The following DAB1 variants were observed in gnomAD, a reference collection of about 807,000 sequenced individuals.
DAB1 encodes the protein DAB adaptor protein 1.
A neutral mutation model predicts 64.6 loss-of-function variants in DAB1; 15 were observed. The observed-to-expected ratio is 0.23, with a 90% CI of 0.16 to 0.36. The LOEUF (loss-of-function observed/expected upper bound fraction) is 0.36. Ranked by LOEUF, DAB1 falls within the 10% of genes least tolerant of loss-of-function variation. The pLI is 1.00. For synonymous variants in DAB1, 235 were observed against 251.9 expected (o/e 0.93, Z 0.64); for missense variants, 596 against 706.7 (o/e 0.84, Z 1.78).
intron 2 of DAB1, among the ~76,000 whole-genome samples, chr1:57,281,445 G>A (rs12134278): frequency 0.039 from 5,901 of 152,206 alleles, 349 homozygotes; most frequent in East Asian, 0.29. Context: ...AAAACCCCAC[G>A]TGTAAAAAAT....
At chr1:58,371,688 G>A (rs966697321) in intron 3 of DAB1, among the ~76,000 whole-genome samples, 1 of 152,172 alleles carries the variant, frequency 6.6e-6, no homozygotes, top group Admixed American at 6.5e-5. Flanking sequence ...TTTGTGGGCT[G>A]GGCCCAGGAC....
At chr1:57,273,553 G>GCCTGCCTT (rs1558066796) in intron 2 of DAB1, among the ~76,000 whole-genome samples, 4 of 62,086 alleles carry the variant, frequency 6.4e-5, no homozygotes, top group Non-Finnish European at 1.1e-4. Context: ...CTGCCTGCCT[G>GCCTGCCTT]CCTTCCTTCC....
chr1:57,194,520 C>T lies in DAB1; in HGVS notation c.68-49091G>A, dbSNP rs995700366. Among the ~76,000 whole-genome samples, 66 of 152,304 alleles carry T rather than the reference C, an allele frequency of 4.3e-4. 1 individual carries two copies. The highest frequency in any genetic ancestry group is 1.5e-3 in the African/African-American group (64 of 41,560). On this transcript the variant is annotated intron_variant, in intron 2 of 14. Transcript: ENST00000371236. ...AAAGAGCAGTCCCACAACAAGTGGGCCAGATAAAGTTCTTCCTCCAACATA... is the reference window on the plus strand; with the variant it reads ...AAAGAGCAGTCCCACAACAAGTGGGTCAGATAAAGTTCTTCCTCCAACATA...
intron 1 of DAB1, among the ~76,000 whole-genome samples, chr1:57,368,522 G>C (rs1452430707): frequency 1.3e-5 from 2 of 152,192 alleles, no homozygotes; most frequent in Non-Finnish European, 2.9e-5. Context: ...ACCAGCTGCA[G>C]AGAGGAGCTA....
chr1:57,235,716 A>G (rs1035948213), intron 2 of DAB1, among the ~76,000 whole-genome samples: 3 of 151,784 alleles, frequency 2.0e-5, no homozygotes, highest in African/African-American at 7.3e-5. Context: ...TTAAAAAAGA[A>G]AAAAAAACAA....
chr1:58,242,445 T>A (rs974858828), intron 4 of DAB1, among the ~76,000 whole-genome samples: 1 of 152,088 alleles, frequency 6.6e-6, no homozygotes, highest in African/African-American at 2.4e-5. Context: ...AGAATATGTA[T>A]AATTATATCC....
intron 4 of DAB1, among the ~76,000 whole-genome samples, chr1:57,105,327 A>C (rs143777485): frequency 1.7e-3 from 263 of 152,168 alleles, no homozygotes; most frequent in African/African-American, 6.2e-3. Context: ...TTTTCAAAAA[A>C]GCAAACCTCA....
chr1:57,404,151 G>A (rs1030139799), intron 1 of DAB1, among the ~76,000 whole-genome samples: 9 of 152,240 alleles, frequency 5.9e-5, no homozygotes, highest in African/African-American at 1.9e-4. Context: ...GGTATATTAT[G>A]ATACAGGCAT....
At chr1:58,465,442 TGAC>T (rs1645286647) in intron 3 of DAB1, among the ~76,000 whole-genome samples, 1 of 152,084 alleles carries the variant, frequency 6.6e-6, no homozygotes, top group Non-Finnish European at 1.5e-5. Context: ...TTGCAAGAAA[TGAC>T]AACAACAACG....
rs573049790 is a variant in DAB1, at chr1:57,228,604, G to A, written c.67+62360C>T. 6.6e-5 allele frequency among the ~76,000 whole-genome samples: 10 copies of A among 152,192 alleles called. No homozygotes were observed. In the East Asian group the frequency reaches 1.4e-3, roughly 21 times the overall value. On this transcript the variant is annotated intron_variant, in intron 2 of 14. Transcript: ENST00000371236. ...TTAATTATTGCTTTTTACATGGAGC[G>A]TAGGAAACACTCATACCCTGCTGGT...
At chr1:57,213,650 G>A (rs563061135) in intron 2 of DAB1, among the ~76,000 whole-genome samples, 49 of 152,296 alleles carry the variant, frequency 3.2e-4, no homozygotes, top group Admixed American at 2.4e-3. Flanking sequence ...AGGAGAGGAA[G>A]AAGAAAACAT....
At chr1:57,224,961 C>A (rs1295754500) in intron 2 of DAB1, among the ~76,000 whole-genome samples, 2 of 152,186 alleles carry the variant, frequency 1.3e-5, no homozygotes, top group Non-Finnish European at 2.9e-5. Flanking sequence ...ACAAACAAAT[C>A]TCTTGTATTA....
intron 4 of DAB1, among the ~76,000 whole-genome samples, chr1:57,125,803 G>GCTCC (rs1657082078): frequency 6.6e-6 from 1 of 152,216 alleles, no homozygotes; most frequent in Non-Finnish European, 1.5e-5. Flanking sequence ...CCCACCAGAA[G>GCTCC]AGGTGGTGGA....
At chr1:57,550,156 G>A (rs1330006882) in intron 7 of DAB1, among the ~76,000 whole-genome samples, 3 of 152,116 alleles carry the variant, frequency 2.0e-5, no homozygotes, top group Non-Finnish European at 2.9e-5. Flanking sequence ...GTAAAATGAG[G>A]ATAATAGTAC....
chr1:58,432,505 C>A (rs1454533305), intron 3 of DAB1, among the ~76,000 whole-genome samples: 1 of 152,140 alleles, frequency 6.6e-6, no homozygotes, highest in Non-Finnish European at 1.5e-5. Flanking sequence ...TTAGAGGTTA[C>A]CTCTTCCACC....
intron 7 of DAB1, among the ~76,000 whole-genome samples, chr1:57,542,895 CT>C (rs1004741532): frequency 2.6e-5 from 4 of 152,142 alleles, no homozygotes; most frequent in African/African-American, 7.2e-5. Flanking sequence ...GCTTCCATGT[CT>C]GTCTGTGTCT....
rs1007255090 is a variant in DAB1, at chr1:56,996,574, G to C, written c.*1570C>G. 2 of 152,302 alleles carry C rather than the reference G, an allele frequency of 1.3e-5. No individual in the cohort carries two copies. The highest frequency in any genetic ancestry group is 4.8e-5 in the African/African-American group (2 of 41,438). The allele number at this position is 152,302 out of a possible 1,614,324, so 9.4% of individuals were successfully genotyped here. On this transcript the variant is annotated 3_prime_UTR_variant, in exon 15 of 15. Coordinates refer to ENST00000371236, the MANE Select transcript of DAB1 (RefSeq NM_001365792.1). Reference sequence around the variant, plus strand: ...GGGGTAGGTGGGAGTGGGGAGGTGGGAGAGTTTCAGAATCTGAATTCTTCA... The same window carrying C: ...GGGGTAGGTGGGAGTGGGGAGGTGGCAGAGTTTCAGAATCTGAATTCTTCA...
At chr1:58,497,449 C>A (rs573933994) in intron 3 of DAB1, among the ~76,000 whole-genome samples, 33 of 152,266 alleles carry the variant, frequency 2.2e-4, no homozygotes, top group African/African-American at 7.9e-4. Context: ...AATGATACTA[C>A]TTTCTGAAAT....
At chr1:57,570,393 C>CAT (rs35497839) in intron 7 of DAB1, among the ~76,000 whole-genome samples, 136 of 149,026 alleles carry the variant, frequency 9.1e-4, no homozygotes, top group Admixed American at 2.4e-3. Context: ...TTAACAAACT[C>CAT]ATATATATAT....
Sources: gnomAD v4.1 joint callset for allele counts (sites outside exome capture counted in the v4.1 genomes callset) on GRCh38, gnomAD v4.1.1 for gene constraint, MANE v1.5 for transcripts, NCBI Gene and HGNC (gene_info 2026-07-23, HGNC 2026-07-21) for gene names.